Variants in DHX57 observed in about 807,000 individuals in gnomAD.
The protein encoded by DHX57 is DExH-box helicase 57, also known as putative ATP-dependent RNA helicase DHX57.
DHX57 carries 105 observed loss-of-function variants against 156.2 expected under a neutral mutation model. The ratio of observed to expected loss-of-function variants is 0.67; its 90% CI spans 0.57 to 0.79. DHX57 has a LOEUF of 0.79. Among genes scored for constraint, DHX57 ranks in the 30% least tolerant of loss-of-function variants. DHX57 has a pLI of 0.00. For missense variants in DHX57, 1,847 were observed against 1,661.9 expected (o/e 1.11, Z -1.94); for synonymous variants, 704 against 595.6 (o/e 1.18, Z -2.65).
chr2:38,819,004 T>A (rs1483106169), intron 18 of DHX57, 44 bp from the exon 19 acceptor site: 3 of 1,614,118 alleles, frequency 1.9e-6, no homozygotes, highest in African/African-American at 1.3e-5. Context: ...CAGTCTTCAG[T>A]GCCAACACTG....
intron 13 of DHX57, among the ~76,000 whole-genome samples, chr2:38,837,610 T>TAAAAAAAAAAAAAAAAAAA (rs1266588405): frequency 3.5e-4 from 1 of 2,870 alleles, no homozygotes; most frequent in East Asian, 0.25. Context: ...AAACCCCGTC[T>TAAAAAAAAAAAAAAAAAAA]CAAAAAAAAA....
intron 9 of DHX57, among the ~76,000 whole-genome samples, chr2:38,851,041 C>G (rs1400069033): frequency 2.0e-5 from 3 of 151,728 alleles, no homozygotes; most frequent in African/African-American, 7.3e-5. Context: ...TGCACCACTG[C>G]ACTCCAGCCT....
intron 21 of DHX57, among the ~76,000 whole-genome samples, chr2:38,807,072 T>G (rs4670896): frequency 0.58 from 86,520 of 148,050 alleles, 27,231 homozygotes; most frequent in East Asian, 0.8. Context: ...TTGTTTTTTT[T>G]GAGACCGAGT....
chr2:38,802,799 G>A lies in DHX57; in HGVS notation c.3933C>T (p.Gly1311=). Residue 1311 remains glycine, a synonymous_variant, in exon 23 of 24, where the codon GGC becomes GGT. Coordinates refer to ENST00000457308, the MANE Select transcript of DHX57 (RefSeq NM_198963.3). ...CTCTTTGAAGCTGCACATTCACTTG[G>A]CCTCCTCCAAACAAGACCAGCGGGT... ...SVYPLVLFGG[G]QVNVQLQRGE... is the part of the protein sequence containing the mutation. The A allele has an allele frequency of 6.2e-7, 1 of 1,614,088 alleles. No individual in the cohort carries two copies. Among genetic ancestry groups the A allele is most frequent in the South Asian group, 1.1e-5 (1 of 91,072 alleles).
At chr2:38,807,378 G>C (rs943185873) in intron 21 of DHX57, among the ~76,000 whole-genome samples, 1 of 151,296 alleles carries the variant, frequency 6.6e-6, no homozygotes. Flanking sequence ...TTTTTTTTGA[G>C]ACGTAGTCTC....
At chr2:38,875,113 G>T (rs1054279359) in intron 1 of DHX57, among the ~76,000 whole-genome samples, 2 of 152,160 alleles carry the variant, frequency 1.3e-5, no homozygotes, top group African/African-American at 4.8e-5. Flanking sequence ...TTTAAACGAA[G>T]ATTTACTGAC....
intron 5 of DHX57, among the ~76,000 whole-genome samples, chr2:38,859,870 G>A (rs982503449): frequency 7.5e-5 from 11 of 147,414 alleles, no homozygotes; most frequent in African/African-American, 1.3e-4. Context: ...CTCCAAGGCC[G>A]AAATGCAATG....
intron 21 of DHX57, chr2:38,810,881 T>C (rs928831562): frequency 3.7e-5 from 28 of 754,590 alleles, no homozygotes; most frequent in Middle Eastern, 7.8e-4. Context: ...ACGATGTCAA[T>C]ATGGCCCACG....
intron 16 of DHX57, among the ~76,000 whole-genome samples, chr2:38,825,529 C>T (rs1346867923): frequency 6.6e-6 from 1 of 152,024 alleles, no homozygotes; most frequent in African/African-American, 2.4e-5. Flanking sequence ...TCTCGAACTC[C>T]TGACCTCAGG....
At chr2:38,827,584 A>G (rs1671167549) in intron 14 of DHX57, among the ~76,000 whole-genome samples, 1 of 147,786 alleles carries the variant, frequency 6.8e-6, no homozygotes, top group South Asian at 2.1e-4. Context: ...ACATACACAC[A>G]CACAGAGAAG....
chr2:38,822,980 G>T lies in DHX57; in HGVS notation c.3291+13C>A, dbSNP rs370866122. On this transcript the variant is annotated intron_variant, in intron 17 of 23. Coordinates refer to ENST00000457308, the MANE Select transcript of DHX57 (RefSeq NM_198963.3). ...CTTAGAGACTCCAGTTTAGATGAAT[G>T]TTGTTTACTTACAAACGGAGACTTA... The T allele has an allele frequency of 8.1e-6, 13 of 1,612,838 alleles. No homozygotes were observed. The African/African-American group carries it at 1.7e-4, about 22-fold the overall frequency.
intron 21 of DHX57, among the ~76,000 whole-genome samples, chr2:38,807,538 T>G (rs1215077622): frequency 1.3e-5 from 2 of 151,860 alleles, no homozygotes; most frequent in Non-Finnish European, 2.9e-5. Flanking sequence ...TTTGTATTTT[T>G]AGTAGAGACG....
At chr2:38,864,814 T>C (rs899176555) in intron 2 of DHX57, among the ~76,000 whole-genome samples, 1 of 152,212 alleles carries the variant, frequency 6.6e-6, no homozygotes, top group Non-Finnish European at 1.5e-5. Context: ...TGTCTCCATT[T>C]TCTTTCCTCT....
At position 38,856,464 on chromosome 2, in the gene DHX57, A is replaced by G. The variant is rs199571763; in HGVS notation, c.1588-3T>C. ...ATGGACTGGAACTGTCTGGAAGCCT[A>G]ATAAAATCAAAGATAAGATATCAGT... On this transcript the variant is annotated splice_polypyrimidine_tract_variant and splice_region_variant and intron_variant, in intron 6 of 23. Transcript: ENST00000457308. The G allele has an allele frequency of 2.4e-5, 38 of 1,587,472 alleles. No homozygotes were observed. The Admixed American group carries it at 6.8e-4, about 28-fold the overall frequency.
At chr2:38,873,459 A>C (rs978088377) in intron 1 of DHX57, among the ~76,000 whole-genome samples, 1 of 152,238 alleles carries the variant, frequency 6.6e-6, no homozygotes, top group Non-Finnish European at 1.5e-5. Flanking sequence ...ATGATTATAC[A>C]TATGTATTCA....
intron 13 of DHX57, among the ~76,000 whole-genome samples, chr2:38,834,165 A>C (rs1282205123): frequency 2.0e-5 from 3 of 152,042 alleles, no homozygotes; most frequent in Non-Finnish European, 2.9e-5. Context: ...CTCCATCTCT[A>C]CTAAAAAAAT....
At chr2:38,807,147 C>A (rs1297291865) in intron 21 of DHX57, among the ~76,000 whole-genome samples, 2 of 151,710 alleles carry the variant, frequency 1.3e-5, no homozygotes, top group African/African-American at 4.8e-5. Flanking sequence ...CTCCGCCTCC[C>A]AGGTTCATGC....
chr2:38,815,757 G>A (rs1209328221), intron 19 of DHX57, 102 bp from the exon 20 acceptor site: 10 of 1,413,622 alleles, frequency 7.1e-6, no homozygotes, highest in Non-Finnish European at 8.8e-6. Context: ...TCAGGGGGTA[G>A]CAATGAGGCT....
Position 38,848,484 on chromosome 2 carries a change from G to T in DHX57, c.2031-82C>A, listed in dbSNP as rs139165746. 7.0e-4 allele frequency: 956 copies of T among 1,373,894 alleles called. 10 individuals are homozygous for T. The African/African-American group carries it at 0.011, about 15-fold the overall frequency. 85.1% of individuals were successfully genotyped at this position (1,373,894 alleles called of 1,614,324 possible). A position where few individuals can be genotyped will look rare whatever the true frequency, so the allele number is the denominator to read the frequency against. On this transcript the variant is annotated intron_variant, in intron 9 of 23. Transcript: ENST00000457308. ...GTAACTTTTACTATATTTTGAGCAA[G>T]AAATGTGTAAGATCTCTGTGAAAAA... is the stretch of plus-strand genomic sequence containing the variant.
Sources: gnomAD v4.1 joint callset for allele counts (sites outside exome capture counted in the v4.1 genomes callset) on GRCh38, gnomAD v4.1.1 for gene constraint, MANE v1.5 for transcripts, NCBI Gene and HGNC (gene_info 2026-07-23, HGNC 2026-07-21) for gene names.